The following UNC79 variants were observed in gnomAD, a reference collection of about 807,000 sequenced individuals.
UNC79 encodes the protein unc-79 subunit of NALCN channel complex.
In UNC79, 37 loss-of-function variants were observed where a neutral mutation model predicts 283.1. The ratio of observed to expected loss-of-function variants is 0.13; its 90% CI spans 0.10 to 0.17. The LOEUF is 0.17. Among genes scored for constraint, UNC79 ranks in the 10% least tolerant of loss-of-function variants. The pLI is 1.00. For synonymous variants in UNC79, 1,107 were observed against 1,200.2 expected (o/e 0.92, Z 1.61); for missense variants, 2,272 against 3,211.1 (o/e 0.71, Z 7.07).
At chr14:93,334,555 A>T (rs2139857922) in intron 1 of UNC79, 1 of 152,302 alleles carries the variant, frequency 6.6e-6, no homozygotes, top group South Asian at 2.1e-4. Flanking sequence ...CCACACTTTT[A>T]TACTTCCCCA....
chr14:93,599,078 A>G (rs2065300070), intron 24 of UNC79, among the ~76,000 whole-genome samples: 1 of 152,234 alleles, frequency 6.6e-6, no homozygotes, highest in African/African-American at 2.4e-5. Context: ...CTGTTTCTCC[A>G]TGTTGCATCT....
At chr14:93,674,332 T>C (rs1390123479) in intron 41 of UNC79, among the ~76,000 whole-genome samples, 7 of 152,028 alleles carry the variant, frequency 4.6e-5, no homozygotes, top group African/African-American at 1.2e-4. Context: ...GCTTCAAGCA[T>C]AGGGGAGGCT....
At chr14:93,431,898 T>A (rs1171661628) in intron 1 of UNC79, among the ~76,000 whole-genome samples, 1 of 152,230 alleles carries the variant, frequency 6.6e-6, no homozygotes, top group Non-Finnish European at 1.5e-5. Flanking sequence ...GGTTGATCAA[T>A]GTGAAGCCTT....
chr14:93,593,573 C>A, intron 22 of UNC79, 107 bp from the exon 23 acceptor site: 1 of 1,362,918 alleles, frequency 7.3e-7, no homozygotes, highest in Non-Finnish European at 1.0e-6. Context: ...CAAAAGCACC[C>A]CTACCCACCG....
intron 32 of UNC79, among the ~76,000 whole-genome samples, chr14:93,637,979 T>C (rs1263342900): frequency 6.6e-6 from 1 of 152,246 alleles, no homozygotes; most frequent in African/African-American, 2.4e-5. Flanking sequence ...AAAGATTCAC[T>C]TGAATTGATG....
At chr14:93,388,656 T>G (rs1164086271) in intron 1 of UNC79, among the ~76,000 whole-genome samples, 1 of 152,214 alleles carries the variant, frequency 6.6e-6, no homozygotes, top group Non-Finnish European at 1.5e-5. Flanking sequence ...ACATTTTTTT[T>G]GTCAGTTTTA....
intron 1 of UNC79, among the ~76,000 whole-genome samples, chr14:93,376,806 G>A (rs1022489447): frequency 2.0e-5 from 3 of 150,990 alleles, no homozygotes; most frequent in African/African-American, 7.3e-5. Flanking sequence ...CAGTTTGTTT[G>A]TATACAAAGT....
chr14:93,347,149 C>T (rs1036138106), intron 1 of UNC79: 4 of 1,210,296 alleles, frequency 3.3e-6, no homozygotes, highest in African/African-American at 3.2e-5. Context: ...GAGGGCAGAG[C>T]GCCCCCTCGT....
chr14:93,480,335 A>G (rs1232006325), intron 4 of UNC79, among the ~76,000 whole-genome samples: 1 of 152,212 alleles, frequency 6.6e-6, no homozygotes, highest in Non-Finnish European at 1.5e-5. Flanking sequence ...AGGGGTTTGA[A>G]AAAAATGTTC....
At chr14:93,357,782 T>C in intron 1 of UNC79, among the ~76,000 whole-genome samples, 1 of 134,856 alleles carries the variant, frequency 7.4e-6, no homozygotes, top group South Asian at 2.3e-4. Context: ...TATGTGGATA[T>C]ATGGATATAT....
At chr14:93,463,906 T>C (rs1438809039) in intron 1 of UNC79, among the ~76,000 whole-genome samples, 1 of 152,082 alleles carries the variant, frequency 6.6e-6, no homozygotes, top group Non-Finnish European at 1.5e-5. Context: ...TCCCAGCACT[T>C]TGGGAGGCGG....
intron 31 of UNC79, among the ~76,000 whole-genome samples, chr14:93,636,203 T>C (rs2068495330): frequency 6.6e-6 from 1 of 152,226 alleles, no homozygotes; most frequent in African/African-American, 2.4e-5. Flanking sequence ...ACGGAATTTT[T>C]CACTTTTCAA....
At chr14:93,585,978 G>A (rs960045401) in intron 20 of UNC79, among the ~76,000 whole-genome samples, 2 of 151,306 alleles carry the variant, frequency 1.3e-5, no homozygotes, top group Non-Finnish European at 2.9e-5. Flanking sequence ...ACCCTCCCAG[G>A]TTCAAGTGAT....
intron 22 of UNC79, among the ~76,000 whole-genome samples, chr14:93,590,600 C>T (rs1034693454): frequency 3.9e-5 from 6 of 152,180 alleles, no homozygotes; most frequent in Non-Finnish European, 8.8e-5. Flanking sequence ...GGACTACCCA[C>T]TCGGCCTTTA....
intron 22 of UNC79, 126 bp downstream of exon 22, chr14:93,587,034 A>T (rs1269308590): frequency 9.0e-7 from 1 of 1,113,096 alleles, no homozygotes; most frequent in East Asian, 2.5e-5. Flanking sequence ...TCGATTGCCT[A>T]TGATAACTAC....
At chr14:93,498,613 C>T (rs1567008006) in intron 7 of UNC79, among the ~76,000 whole-genome samples, 1 of 151,758 alleles carries the variant, frequency 6.6e-6, no homozygotes, top group Non-Finnish European at 1.5e-5. Context: ...AAAAAATGAC[C>T]CCGATAGCCT....
At chr14:93,701,853 A>G (rs1293645498) in intron 47 of UNC79, among the ~76,000 whole-genome samples, 1 of 152,198 alleles carries the variant, frequency 6.6e-6, no homozygotes, top group Non-Finnish European at 1.5e-5. Context: ...AATAATAAAA[A>G]CACTTTTAGA....
chr14:93,691,755 G>A (rs1246953839), exon 46 of UNC79: 5 of 1,613,890 alleles, frequency 3.1e-6, no homozygotes, highest in Non-Finnish European at 4.2e-6. Flanking sequence ...TCAGACCTCC[G>A]TGCTGCACAT....
At chr14:93,599,040 A>G (rs1320843111) in intron 24 of UNC79, among the ~76,000 whole-genome samples, 2 of 152,238 alleles carry the variant, frequency 1.3e-5, no homozygotes, top group Non-Finnish European at 2.9e-5. Flanking sequence ...GAGAAAATCA[A>G]GATTAGAGCC....
Sources: gnomAD v4.1 joint callset for allele counts (sites outside exome capture counted in the v4.1 genomes callset) on GRCh38, gnomAD v4.1.1 for gene constraint, MANE v1.5 for transcripts, NCBI Gene and HGNC (gene_info 2026-07-23, HGNC 2026-07-21) for gene names.